PFKFB3: variants seen among roughly 807,000 people sequenced by gnomAD.
PFKFB3 encodes the protein 6-phosphofructo-2-kinase/fructose-2,6-bisphosphatase 3.
In PFKFB3, 33 loss-of-function variants were observed where a neutral mutation model predicts 68.0. The observed-to-expected ratio is 0.49, with a 90% CI of 0.37 to 0.65. PFKFB3 has a LOEUF of 0.65. PFKFB3 is among the 30% of genes least tolerant of loss of function. PFKFB3 has a pLI of 0.00. For missense variants in PFKFB3, 586 were observed against 712.2 expected (o/e 0.82, Z 2.02); for synonymous variants, 315 against 288.2 (o/e 1.09, Z -0.94).
At chr10:6,315,509 A>G in the PFKFB3 span, among the ~76,000 whole-genome samples, 1 of 151,358 alleles carries the variant, frequency 6.6e-6, no homozygotes, top group Admixed American at 6.6e-5. Flanking sequence ...TTTTTTTGAG[A>G]TGGGGTCTCT....
chr10:6,184,427 G>A (rs1295183670), intron 1 of PFKFB3, among the ~76,000 whole-genome samples: 1 of 152,042 alleles, frequency 6.6e-6, no homozygotes, highest in Non-Finnish European at 1.5e-5. Flanking sequence ...CTGGGATGGG[G>A]TTGACACAAT....
downstream of PFKFB3, chr10:6,235,580 T>C (rs1413255009): frequency 6.6e-6 from 1 of 152,326 alleles, no homozygotes; most frequent in Non-Finnish European, 1.5e-5. Flanking sequence ...GAAGAGTCTT[T>C]AATTGATGTT....
intron 1 of PFKFB3, among the ~76,000 whole-genome samples, chr10:6,187,433 AT>A (rs561361622): frequency 4.0e-4 from 61 of 152,282 alleles, no homozygotes; most frequent in Non-Finnish European, 7.4e-4. Context: ...GTAGCTTGGT[AT>A]TTAAATAGTG....
At chr10:6,273,681 A>C in the PFKFB3 span, among the ~76,000 whole-genome samples, 2 of 152,234 alleles carry the variant, frequency 1.3e-5, no homozygotes, top group Non-Finnish European at 2.9e-5. Flanking sequence ...CCATCAAGTT[A>C]AAATGAGGTC....
chr10:6,209,013 G>C (rs1304592874), intron 1 of PFKFB3, among the ~76,000 whole-genome samples: 1 of 152,230 alleles, frequency 6.6e-6, no homozygotes, highest in Non-Finnish European at 1.5e-5. Context: ...GCACTACTCA[G>C]CCACATTGAC....
At chr10:6,225,972 C>T (rs980142524) in intron 13 of PFKFB3, among the ~76,000 whole-genome samples, 1 of 152,238 alleles carries the variant, frequency 6.6e-6, no homozygotes, top group East Asian at 1.9e-4. Flanking sequence ...TGGTACCATC[C>T]GAGGAAGGGG....
At chr10:6,291,319 A>G in the PFKFB3 span, among the ~76,000 whole-genome samples, 2 of 152,198 alleles carry the variant, frequency 1.3e-5, no homozygotes, top group African/African-American at 2.4e-5. Flanking sequence ...TAATCCCAGC[A>G]CTTTGGGAGG....
chr10:6,223,576 T>C lies in PFKFB3; in HGVS notation c.1214-382T>C, dbSNP rs1311423103. On this transcript the variant is annotated intron_variant, in intron 11 of 14. Transcript: ENST00000379775. Reference sequence around the variant, plus strand: ...GCCCGACAGGGCTTCCGAGGGTCCTTGTTGGGGGGACCGTAAAGGTCTTTC... The same window carrying C: ...GCCCGACAGGGCTTCCGAGGGTCCTCGTTGGGGGGACCGTAAAGGTCTTTC... Among the ~76,000 whole-genome samples the C allele has an allele frequency of 3.3e-5, 5 of 152,200 alleles. 1 individual carries two copies. Among genetic ancestry groups the C allele is most frequent in the African/African-American group, 1.2e-4 (5 of 41,464 alleles).
At chr10:6,144,921 G>A, upstream of PFKFB3, 1 of 1,107,582 alleles carries the variant, frequency 9.0e-7, no homozygotes, top group Non-Finnish European at 1.2e-6. Flanking sequence ...CAGGCGCCCC[G>A]AGTCGCGGGG....
downstream of PFKFB3, among the ~76,000 whole-genome samples, chr10:6,256,503 C>T (rs1434743013): frequency 1.3e-5 from 2 of 152,206 alleles, no homozygotes; most frequent in African/African-American, 4.8e-5. Context: ...AGGTCTGCAG[C>T]GCCTTCTTCG....
At chr10:6,189,726 G>A (rs1188718444) in intron 1 of PFKFB3, among the ~76,000 whole-genome samples, 3 of 151,948 alleles carry the variant, frequency 2.0e-5, no homozygotes, top group African/African-American at 7.3e-5. Flanking sequence ...TGTTGGACAG[G>A]CTGGTCTCGA....
chr10:6,231,295 C>G (rs752578629), intron 14 of PFKFB3: 2 of 1,612,072 alleles, frequency 1.2e-6, no homozygotes, highest in East Asian at 4.5e-5. Context: ...TCAAAGTTTT[C>G]TCCTTACTAA....
At chr10:6,283,229 A>G in the PFKFB3 span, among the ~76,000 whole-genome samples, 3 of 152,112 alleles carry the variant, frequency 2.0e-5, no homozygotes, top group Non-Finnish European at 2.9e-5. Context: ...CGGCCTCCCA[A>G]AGTGCTGGGA....
the PFKFB3 span, among the ~76,000 whole-genome samples, chr10:6,261,704 C>A: frequency 6.6e-6 from 1 of 151,264 alleles, no homozygotes; most frequent in African/African-American, 2.4e-5. Context: ...ATTAAAAATA[C>A]AAAAATTAGG....
chr10:6,164,447 C>T (rs1007953442), intron 1 of PFKFB3, among the ~76,000 whole-genome samples: 9 of 152,204 alleles, frequency 5.9e-5, no homozygotes, highest in Admixed American at 2.0e-4. Flanking sequence ...CAGGACTGGG[C>T]ACACTTGACC....
At chr10:6,191,922 C>T (rs1469142681) in intron 1 of PFKFB3, among the ~76,000 whole-genome samples, 1 of 151,986 alleles carries the variant, frequency 6.6e-6, no homozygotes, top group Non-Finnish European at 1.5e-5. Flanking sequence ...ACACCCTGGT[C>T]GCCGTTCTCT....
chr10:6,200,025 C>CAA (rs1178797510), upstream of PFKFB3, among the ~76,000 whole-genome samples: 2 of 147,918 alleles, frequency 1.4e-5, no homozygotes, highest in African/African-American at 5.1e-5. Context: ...AAGGGAAAAA[C>CAA]AAAAACAAAC....
At chr10:6,232,253 G>A (rs551730602) in intron 14 of PFKFB3, among the ~76,000 whole-genome samples, 2 of 150,562 alleles carry the variant, frequency 1.3e-5, no homozygotes, top group Non-Finnish European at 3.0e-5. Context: ...TTTGCGGGGG[G>A]TGGGTGGCGG....
chr10:6,276,770 A>G, the PFKFB3 span, among the ~76,000 whole-genome samples: 2 of 152,072 alleles, frequency 1.3e-5, no homozygotes, highest in South Asian at 4.1e-4. Flanking sequence ...TAGCTACAGT[A>G]CAATATCACA....
Sources: allele counts gnomAD v4.1 joint callset (sites outside exome capture counted in the v4.1 genomes callset), GRCh38; gene constraint gnomAD v4.1.1; transcripts MANE v1.5; gene names NCBI Gene and HGNC (gene_info 2026-07-23, HGNC 2026-07-21).